Variants in CPNE2 observed in about 807,000 individuals in gnomAD.
CPNE2 encodes the protein copine-2.
A neutral mutation model predicts 69.7 loss-of-function variants in CPNE2; 42 were observed. That is an observed-to-expected ratio of 0.60 (90% confidence interval 0.47 to 0.78). The LOEUF (loss-of-function observed/expected upper bound fraction) is 0.78, where lower values mean the gene tolerates loss of function less well. Ranked by LOEUF, CPNE2 falls within the 30% of genes least tolerant of loss-of-function variation. CPNE2 has a pLI of 0.00. For missense variants in CPNE2, 587 were observed against 732.0 expected, an observed-to-expected ratio of 0.80 and a Z score of 2.29; for synonymous variants, 294 against 289.8, an observed-to-expected ratio of 1.01 and a Z score of -0.15.
At chr16:57,137,330 T>A (rs1252690091) in intron 14 of CPNE2, 48 bp downstream of exon 14, 1 of 1,606,972 alleles carries the variant, frequency 6.2e-7, no homozygotes, top group South Asian at 1.1e-5. Flanking sequence ...ACGCACGTCC[T>A]CTGGGCTGGG....
chr16:57,138,967 G>A (rs1483815389), intron 14 of CPNE2, among the ~76,000 whole-genome samples: 1 of 152,204 alleles, frequency 6.6e-6, no homozygotes, highest in Non-Finnish European at 1.5e-5. Context: ...GGGAAAGATA[G>A]TGCAACTGCC....
chr16:57,105,579 G>C lies in CPNE2; in HGVS notation c.-35-5129G>C, dbSNP rs117650197. 1.6e-3 allele frequency among the ~76,000 whole-genome samples: 237 copies of C among 152,272 alleles called. 10 individuals are homozygous for C. The East Asian group carries it at 0.04, about 26-fold the overall frequency. On this transcript the variant is annotated intron_variant, in intron 1 of 15. Coordinates refer to ENST00000290776, the MANE Select transcript of CPNE2 (RefSeq NM_152727.6). ...GCCTCCCAAAGTGCTGAGATTACAG[G>C]TGTGAGCCACCACTGGCTCCTGTGT...
chr16:57,115,510 T>A lies in CPNE2; in HGVS notation c.395T>A (p.Leu132Gln). Reference sequence around the variant, plus strand: ...AGCAAGAAGATCACTAGGCCTCTGCTGCTGCTGAATGACAAGCCTGCGGGG... The same window carrying A: ...AGCAAGAAGATCACTAGGCCTCTGCAGCTGCTGAATGACAAGCCTGCGGGG... ...VSSKKITRPL[L>Q]LLNDKPAGKG... Residue 132 changes from leucine to glutamine, a missense_variant, in exon 4 of 16, where the codon CTG (leucine) becomes CAG (glutamine). By Grantham distance (113) the Leu-to-Gln change is moderately radical. Coordinates refer to ENST00000290776, the MANE Select transcript of CPNE2 (RefSeq NM_152727.6). The A allele has an allele frequency of 6.2e-7, 1 of 1,612,978 alleles. No individual in the cohort carries two copies. Among genetic ancestry groups the A allele is most frequent in the Non-Finnish European group, 8.5e-7 (1 of 1,179,382 alleles).
chr16:57,119,388 C>CCA, intron 6 of CPNE2, 110 bp downstream of exon 6: 2 of 1,229,290 alleles, frequency 1.6e-6, no homozygotes, highest in Non-Finnish European at 2.4e-6. Flanking sequence ...GCAGGAAAAC[C>CCA]CACAGTGGCA....
chr16:57,126,508 G>T (rs1318831799), intron 11 of CPNE2, among the ~76,000 whole-genome samples: 1 of 151,764 alleles, frequency 6.6e-6, no homozygotes. Context: ...GGTCGGGCTG[G>T]GTACCACGGA....
rs748322017 is a variant in CPNE2, at chr16:57,146,075, C to G, written c.1303-10C>G. 2 of 1,601,432 alleles carry G rather than the reference C, an allele frequency of 1.2e-6. No individual in the cohort carries two copies. Among genetic ancestry groups the G allele is most frequent in the South Asian group, 1.1e-5 (1 of 88,786 alleles). On this transcript the variant is annotated splice_polypyrimidine_tract_variant and intron_variant, in intron 14 of 15. Coordinates refer to ENST00000290776, the MANE Select transcript of CPNE2 (RefSeq NM_152727.6). The surrounding 1 kb of genome is among the most constrained non-coding windows in gnomAD (Gnocchi z 4.4). ...CCTTGCTGAGTGCCCCGTTGGCCCC[C>G]TCCCTGCAGCAGTACTTCATCCTCC...
At chr16:57,123,799 C>A (rs1450563537) in intron 10 of CPNE2, 1 of 409,594 alleles carries the variant, frequency 2.4e-6, no homozygotes, top group Non-Finnish European at 4.5e-6. Context: ...CCTTCATCTG[C>A]AGCCTCCTTC....
intron 11 of CPNE2, among the ~76,000 whole-genome samples, chr16:57,126,949 A>G (rs945111424): frequency 3.9e-5 from 6 of 152,112 alleles, no homozygotes; most frequent in African/African-American, 7.2e-5. Context: ...TAGCTTCCTC[A>G]TCAGTCTCCC....
chr16:57,138,551 G>A (rs756243852), intron 14 of CPNE2, among the ~76,000 whole-genome samples: 7 of 152,002 alleles, frequency 4.6e-5, no homozygotes, highest in Non-Finnish European at 8.8e-5. Flanking sequence ...CTAACCCCCC[G>A]TGTGTTCCTC....
At chr16:57,099,099 C>G (rs1192846815) in intron 1 of CPNE2, among the ~76,000 whole-genome samples, 1 of 152,164 alleles carries the variant, frequency 6.6e-6, no homozygotes, top group Admixed American at 6.5e-5. Flanking sequence ...CCCCGGTGTC[C>G]CCTTCTTGTC....
rs758561231 is a variant in CPNE2, at chr16:57,110,875, G to C, written c.133G>C (p.Asp45His). The change falls in exon 2 of 16, where the codon GAC (aspartate) becomes CAC (histidine). Residue 45 changes from aspartate (D) to histidine (H), a missense_variant. Asp to His is a moderately conservative substitution (Grantham distance 81, BLOSUM62 -1). Coordinates refer to ENST00000290776, the MANE Select transcript of CPNE2 (RefSeq NM_152727.6). Reference protein sequence around the residue: ...LLDRDVTSKSDPFCVLFTENN... With the variant: ...LLDRDVTSKSHPFCVLFTENN... ...GGACCGGGATGTTACCTCCAAGTCC[G>C]ACCCCTTCTGTGTCCTCTTTACAGA... The C allele has an allele frequency of 2.5e-6, 4 of 1,613,546 alleles. No homozygotes were observed. Among genetic ancestry groups the C allele is most frequent in the Non-Finnish European group, 3.4e-6 (4 of 1,179,776 alleles).
rs77114796 is a variant in CPNE2, at chr16:57,095,768, G to A, written c.-36+2978G>A. Among the ~76,000 whole-genome samples, 566 of 152,298 alleles carry A rather than the reference G, an allele frequency of 3.7e-3. 6 individuals are homozygous for A. The highest frequency in any genetic ancestry group is 0.013 in the African/African-American group (553 of 41,580). On this transcript the variant is annotated intron_variant, in intron 1 of 15. Coordinates refer to ENST00000290776, the MANE Select transcript of CPNE2 (RefSeq NM_152727.6). ...GCATGAGCCACTGTGCCCGACCATG[G>A]AACATTTCTTACTTATCTGGCCACA...
intron 1 of CPNE2, among the ~76,000 whole-genome samples, chr16:57,098,460 G>A (rs573959787): frequency 6.6e-6 from 1 of 152,346 alleles, no homozygotes; most frequent in East Asian, 1.9e-4. Flanking sequence ...TGCGGCAAGG[G>A]CCCCAGAGAA....
At chr16:57,093,527 C>T (rs2069558238) in intron 1 of CPNE2, among the ~76,000 whole-genome samples, 1 of 152,060 alleles carries the variant, frequency 6.6e-6, no homozygotes, top group Non-Finnish European at 1.5e-5. Context: ...AGCCTCGCTC[C>T]ACGTCCCCCC....
At chr16:57,124,266 G>T in intron 10 of CPNE2, 2 of 385,882 alleles carry the variant, frequency 5.2e-6, no homozygotes, top group South Asian at 3.6e-5. Context: ...ATTTTCTGTA[G>T]AGATGGGGTT....
At position 57,147,589 on chromosome 16, in the gene CPNE2, G is replaced by C; in HGVS notation, c.1578G>C (p.Glu526Asp). 6.2e-7 allele frequency: 1 copy of C among 1,610,016 alleles called. No homozygotes were observed. Among genetic ancestry groups the C allele is most frequent in the African/African-American group, 1.3e-5 (1 of 75,010 alleles). ...CCTTGGCCAAAGCTGTGCTGGCGGA[G>C]CTGCCCCAACAAGTTGTGCAGTATT... ...KETLAKAVLAELPQQVVQYFK... is the reference protein window; with the variant it reads ...KETLAKAVLADLPQQVVQYFK... The change falls in exon 16 of 16, where the codon GAG becomes GAC. Residue 526 changes from glutamate (E) to aspartate (D), a missense_variant. Physicochemically the swap from Glu to Asp is conservative, Grantham distance 45. This residue lies in a region of CPNE2 where 185 missense variants were observed against 252.3 expected (regional missense o/e 0.73). Transcript: ENST00000290776.
intron 14 of CPNE2, among the ~76,000 whole-genome samples, chr16:57,145,193 G>A (rs2069948475): frequency 6.6e-6 from 1 of 152,190 alleles, no homozygotes; most frequent in Admixed American, 6.5e-5. Context: ...ACAACAAGCT[G>A]TACAATGGTA....
Position 57,123,482 on chromosome 16 carries a change from C to A in CPNE2, c.927+9C>A. On this transcript the variant is annotated intron_variant, in intron 10 of 15. Transcript: ENST00000290776. ...GCCAGCTCATGTTCACCGTAAGGCT[C>A]TCCCCGCTGGCTCCCTCTGCACCCC... The A allele has an allele frequency of 1.2e-6, 2 of 1,612,872 alleles. No individual in the cohort carries two copies. The highest frequency in any genetic ancestry group is 8.5e-7 in the Non-Finnish European group (1 of 1,179,946).
Position 57,146,308 on chromosome 16 carries a change from G to A in CPNE2, c.1526G>A (p.Arg509Gln), listed in dbSNP as rs1047438051. Reference sequence around the variant, plus strand: ...GATATTGTGCAGTTCGTTCCCTTTCGAGAGTTCCGCAACGTGAGTGTGGGC... The same window carrying A: ...GATATTGTGCAGTTCGTTCCCTTTCAAGAGTTCCGCAACGTGAGTGTGGGC... Reference protein sequence around the residue: ...ARDIVQFVPFREFRNAAKETL... With the variant: ...ARDIVQFVPFQEFRNAAKETL... The change falls in exon 15 of 16, where the codon CGA (arginine) becomes CAA (glutamine). Residue 509 changes from arginine (R) to glutamine (Q), a missense_variant. Arg to Gln is a conservative substitution (Grantham distance 43). Coordinates refer to ENST00000290776, the MANE Select transcript of CPNE2 (RefSeq NM_152727.6). This position sits in a 1 kb window ranked among gnomAD's most constrained non-coding sequence, Gnocchi z 4.4. The A allele has an allele frequency of 1.0e-5, 16 of 1,551,592 alleles. No individual in the cohort carries two copies. Among genetic ancestry groups the A allele is most frequent in the African/African-American group, 4.1e-5 (3 of 73,140 alleles).
Sources: allele counts gnomAD v4.1 joint callset (sites outside exome capture counted in the v4.1 genomes callset), GRCh38; gene constraint gnomAD v4.1.1; regional missense constraint gnomAD v4.1.1; non-coding constraint Gnocchi (gnomAD v3.1); transcripts MANE v1.5; gene names NCBI Gene and HGNC (gene_info 2026-07-23, HGNC 2026-07-21).